The following ADGRL2 variants were observed in gnomAD, a reference collection of about 807,000 sequenced individuals.
ADGRL2 encodes the protein adhesion G protein-coupled receptor L2.
In ADGRL2, 44 loss-of-function variants were observed where a neutral mutation model predicts 157.4. The ratio of observed to expected loss-of-function variants is 0.28; its 90% CI spans 0.22 to 0.36. The LOEUF (loss-of-function observed/expected upper bound fraction) is 0.36. Ranked by LOEUF, ADGRL2 falls within the 10% of genes least tolerant of loss-of-function variation. The pLI is 1.00. For synonymous variants in ADGRL2, 585 were observed against 624.7 expected, an observed-to-expected ratio of 0.94 and a Z score of 0.95; for missense variants, 1,510 against 1,768.9, an observed-to-expected ratio of 0.85 and a Z score of 2.63.
At chr1:81,595,735 A>G (rs2081217826) in intron 3 of ADGRL2, among the ~76,000 whole-genome samples, 1 of 152,250 alleles carries the variant, frequency 6.6e-6, no homozygotes, top group Non-Finnish European at 1.5e-5. Context: ...GTATTGCCTT[A>G]GCATTTGCTT....
chr1:81,779,268 G>A (rs2086718282), intron 2 of ADGRL2, among the ~76,000 whole-genome samples: 1 of 152,124 alleles, frequency 6.6e-6, no homozygotes, highest in South Asian at 2.1e-4. Flanking sequence ...ATGTCTAAGG[G>A]GTTCGAGAAG....
In ADGRL2 at chr1:81,576,738, A is replaced by T. The variant is rs577865357; in HGVS notation, c.-247-4138A>T. Among the ~76,000 whole-genome samples the T allele has an allele frequency of 9.2e-5, 14 of 152,300 alleles. No individual in the cohort carries two copies. In the South Asian group the frequency reaches 2.9e-3, roughly 32 times the overall value. On this transcript the variant is annotated intron_variant, in intron 2 of 24. Coordinates refer to the ADGRL2 transcript ENST00000370721. The stretch of plus-strand genomic sequence containing the variant: ...CTTAACTAAAAATTTCAGTAAAGCA[A>T]TATGTTTACCAAGCAATTAATTTAG...
chr1:81,863,385 C>T (rs2093443714), intron 2 of ADGRL2, among the ~76,000 whole-genome samples: 1 of 152,030 alleles, frequency 6.6e-6, no homozygotes, highest in Admixed American at 6.6e-5. Flanking sequence ...ATAATATTGC[C>T]CAAGGAATGT....
intron 1 of ADGRL2, among the ~76,000 whole-genome samples, chr1:81,743,959 G>A (rs1484614844): frequency 6.6e-6 from 1 of 152,048 alleles, no homozygotes; most frequent in Non-Finnish European, 1.5e-5. Flanking sequence ...CAACATTGAA[G>A]GAAAGGACAA....
intron 4 of ADGRL2, among the ~76,000 whole-genome samples, chr1:81,937,681 T>C (rs990651959): frequency 6.6e-6 from 1 of 151,850 alleles, no homozygotes; most frequent in African/African-American, 2.4e-5. Flanking sequence ...CATTTAGTCA[T>C]GTTAGTTCAT....
intron 1 of ADGRL2, among the ~76,000 whole-genome samples, chr1:81,815,775 T>G (rs956114153): frequency 1.3e-5 from 2 of 151,826 alleles, no homozygotes; most frequent in African/African-American, 4.8e-5. Context: ...GTGTTACTAA[T>G]AAGAAGTACC....
At chr1:81,585,100 A>G (rs923282362) in intron 3 of ADGRL2, among the ~76,000 whole-genome samples, 2 of 152,156 alleles carry the variant, frequency 1.3e-5, no homozygotes, top group African/African-American at 4.8e-5. Flanking sequence ...GAAATAGCTA[A>G]AAGGAAAGAG....
intron 1 of ADGRL2, among the ~76,000 whole-genome samples, chr1:81,323,610 G>T (rs1660688394): frequency 6.6e-6 from 1 of 151,936 alleles, no homozygotes. Context: ...GGAGAAGATA[G>T]ACTTTAAATA....
intron 1 of ADGRL2, among the ~76,000 whole-genome samples, chr1:81,409,572 A>G (rs2076914606): frequency 6.6e-6 from 1 of 152,186 alleles, no homozygotes; most frequent in African/African-American, 2.4e-5. Flanking sequence ...AAGTGAAAAT[A>G]TTCCTGTACC....
intron 2 of ADGRL2, among the ~76,000 whole-genome samples, chr1:81,766,765 G>T (rs2086138359): frequency 7.1e-6 from 1 of 141,338 alleles, no homozygotes; most frequent in Non-Finnish European, 1.5e-5. Context: ...AGGAGGCGGA[G>T]ATTGTGGTGA....
At chr1:81,484,641 T>C (rs549685629) in intron 2 of ADGRL2, among the ~76,000 whole-genome samples, 1 of 152,260 alleles carries the variant, frequency 6.6e-6, no homozygotes, top group Non-Finnish European at 1.5e-5. Context: ...TTGTACACAG[T>C]GTAGGCAGCA....
intron 1 of ADGRL2, among the ~76,000 whole-genome samples, chr1:81,443,098 C>T (rs548477840): frequency 6.6e-6 from 1 of 152,146 alleles, no homozygotes; most frequent in Admixed American, 6.5e-5. Flanking sequence ...AAATGATTAG[C>T]CCATCTGGGA....
At chr1:81,708,534 A>G (rs1008520706) in intron 1 of ADGRL2, among the ~76,000 whole-genome samples, 2 of 152,138 alleles carry the variant, frequency 1.3e-5, no homozygotes, top group African/African-American at 4.8e-5. Flanking sequence ...ATGCACATAT[A>G]ATGATGTAGG....
intron 2 of ADGRL2, among the ~76,000 whole-genome samples, chr1:81,794,997 T>A (rs935798518): frequency 2.0e-5 from 3 of 152,156 alleles, no homozygotes; most frequent in Non-Finnish European, 4.4e-5. Context: ...AATAAAATCA[T>A]GAAAAACATT....
At chr1:81,485,009 A>G (rs148884102) in intron 2 of ADGRL2, among the ~76,000 whole-genome samples, 1 of 152,112 alleles carries the variant, frequency 6.6e-6, no homozygotes, top group Non-Finnish European at 1.5e-5. Context: ...TCAGAGGAAA[A>G]ACTAAAAGTT....
At chr1:81,921,382 A>G (rs965920640) in intron 3 of ADGRL2, among the ~76,000 whole-genome samples, 2 of 152,204 alleles carry the variant, frequency 1.3e-5, no homozygotes, top group Non-Finnish European at 2.9e-5. Flanking sequence ...AAAAATTTTA[A>G]AATTGCTTAA....
Position 81,537,050 on chromosome 1 carries a change from T to A in ADGRL2, c.-247-43826T>A, listed in dbSNP as rs141958212. 3.3e-5 allele frequency among the ~76,000 whole-genome samples: 5 copies of A among 152,346 alleles called. No homozygotes were observed. In the East Asian group the frequency reaches 9.6e-4, roughly 29 times the overall value. The stretch of plus-strand genomic sequence containing the variant: ...ATACAAAGACCTCCTTTATTTTTGA[T>A]AAATACTTGTTAAATACACAAAACA... On this transcript the variant is annotated intron_variant, in intron 2 of 24. Coordinates refer to the ADGRL2 transcript ENST00000370721.
intron 2 of ADGRL2, among the ~76,000 whole-genome samples, chr1:81,570,330 C>T (rs1358214455): frequency 6.6e-6 from 1 of 152,180 alleles, no homozygotes; most frequent in African/African-American, 2.4e-5. Flanking sequence ...CTATATCCAA[C>T]TGTAATTGCT....
intron 1 of ADGRL2, among the ~76,000 whole-genome samples, chr1:81,353,087 A>G (rs1024299092): frequency 2.6e-5 from 4 of 152,152 alleles, no homozygotes; most frequent in African/African-American, 7.2e-5. Context: ...ATGTACGTTA[A>G]TCATCACAAG....
Sources: gnomAD v4.1 joint callset for allele counts (sites outside exome capture counted in the v4.1 genomes callset) on GRCh38, gnomAD v4.1.1 for gene constraint, MANE v1.5 for transcripts, NCBI Gene and HGNC (gene_info 2026-07-23, HGNC 2026-07-21) for gene names.